Variants in TMC2 observed in about 807,000 individuals in gnomAD.
The protein encoded by TMC2 is transmembrane channel-like protein 2.
Under a neutral mutation model 105.9 loss-of-function variants are expected in TMC2, and 102 were observed. The ratio of observed to expected loss-of-function variants is 0.96; its 90% CI spans 0.82 to 1.14. The LOEUF (loss-of-function observed/expected upper bound fraction) is 1.14, where lower values mean the gene tolerates loss of function less well. Among genes scored for constraint, TMC2 ranks in the 50% most tolerant of loss-of-function variants. The pLI is 0.00. For missense variants in TMC2, 1,093 were observed against 1,134.3 expected (o/e 0.96, Z 0.52); for synonymous variants, 402 against 422.8 (o/e 0.95, Z 0.60).
At chr20:2,621,232 C>T (rs1455246877) in intron 16 of TMC2, among the ~76,000 whole-genome samples, 3 of 151,742 alleles carry the variant, frequency 2.0e-5, no homozygotes, top group African/African-American at 4.8e-5. Context: ...TGTGGTGGTG[C>T]GTGCCTGTAA....
At chr20:2,572,066 C>A (rs1358262977) in intron 4 of TMC2, 113 bp from the exon 5 acceptor site, 1 of 785,486 alleles carries the variant, frequency 1.3e-6, no homozygotes, top group Non-Finnish European at 2.1e-6. Flanking sequence ...TATATTTTAA[C>A]CAGGGGTATA....
chr20:2,572,352 C>G, intron 5 of TMC2, 83 bp downstream of exon 5: 1 of 1,083,850 alleles, frequency 9.2e-7, no homozygotes, highest in Non-Finnish European at 1.4e-6. Flanking sequence ...AACTGCCCAG[C>G]TTCGCCATTT....
rs760485764 is a variant in TMC2 at position 2,617,022 on chromosome 20, C to T, written c.1941-50C>T. The stretch of plus-strand genomic sequence containing the variant: ...CCATTTCCTTCTATCACCCTTCCCT[C>T]GCCTTCCCTGCTGTCCAGCCAACCA... On this transcript the variant is annotated intron_variant, in intron 15 of 19. Transcript: ENST00000358864. 9.9e-6 allele frequency: 16 copies of T among 1,610,504 alleles called. 1 individual carries two copies. Among genetic ancestry groups the T allele is most frequent in the African/African-American group, 5.3e-5 (4 of 74,876 alleles).
chr20:2,583,760 T>C (rs2086211942), intron 7 of TMC2, among the ~76,000 whole-genome samples: 1 of 152,078 alleles, frequency 6.6e-6, no homozygotes, highest in Non-Finnish European at 1.5e-5. Flanking sequence ...ATGCTCAGCC[T>C]CACATAAGCA....
Position 2,561,999 on chromosome 20 carries a change from G to A in TMC2, c.543G>A (p.Leu181=). 6.2e-7 allele frequency: 1 copy of A among 1,613,978 alleles called. No individual in the cohort carries two copies. The change falls in exon 4 of 20, where the codon CTG becomes CTA. Residue 181 remains leucine, a synonymous_variant. Transcript: ENST00000358864. ...AGCCCTGGCCCATGGCGAAGAAGCT[G>A]ACAGAGCTCAGGTGAGCAGGCTGCG... ...RSKPWPMAKK[L]TELREAQEFV...
chr20:2,585,715 G>C (rs532666331), intron 7 of TMC2, among the ~76,000 whole-genome samples: 1 of 152,160 alleles, frequency 6.6e-6, no homozygotes, highest in South Asian at 2.1e-4. Flanking sequence ...CCAAGGTTCA[G>C]GTACTCAGTG....
chr20:2,554,404 T>C (rs1208526707), intron 2 of TMC2, among the ~76,000 whole-genome samples: 2 of 152,230 alleles, frequency 1.3e-5, no homozygotes, highest in African/African-American at 4.8e-5. Flanking sequence ...CTCTATGATT[T>C]CATGCTTCTC....
chr20:2,607,569 A>C (rs916716969), intron 11 of TMC2, among the ~76,000 whole-genome samples: 1 of 152,148 alleles, frequency 6.6e-6, no homozygotes, highest in Non-Finnish European at 1.5e-5. Context: ...TTGTTCCACT[A>C]TGCTTTTCAT....
At chr20:2,567,501 G>C (rs978138008) in intron 4 of TMC2, among the ~76,000 whole-genome samples, 2 of 152,126 alleles carry the variant, frequency 1.3e-5, no homozygotes, top group Non-Finnish European at 2.9e-5. Context: ...TGATCAACAG[G>C]TTTTAACACC....
intron 7 of TMC2, among the ~76,000 whole-genome samples, chr20:2,589,726 G>A (rs2086255987): frequency 6.6e-6 from 1 of 152,156 alleles, no homozygotes; most frequent in African/African-American, 2.4e-5. Flanking sequence ...CTGGAGTGCA[G>A]TGGCTCAATC....
At chr20:2,597,097 G>C in intron 9 of TMC2, 54 bp from the exon 10 acceptor site, 1 of 1,580,368 alleles carries the variant, frequency 6.3e-7, no homozygotes. Flanking sequence ...GGTTCCCTGG[G>C]GGTGACACAG....
rs146842246 is a variant in TMC2 at position 2,583,319 on chromosome 20, C to T, written c.834+3263C>T. On this transcript the variant is annotated intron_variant, in intron 7 of 19. Transcript: ENST00000358864. ...TTGCTGGCAGAATTCTCTGTTGATT[C>T]CCTTCTTGGTTTGGGTGCTTTAATG... Among the ~76,000 whole-genome samples the T allele has an allele frequency of 9.3e-3, 1,413 of 152,242 alleles. 61 individuals carry two copies. The highest frequency in any genetic ancestry group is 0.066 in the Admixed American group (1,014 of 15,286).
intron 2 of TMC2, among the ~76,000 whole-genome samples, chr20:2,541,509 C>T (rs11087475): frequency 0.4 from 60,822 of 151,712 alleles, 12,383 homozygotes; most frequent in Admixed American, 0.45. Context: ...GGTGTGGTGG[C>T]ACACACCTGT....
chr20:2,560,576 G>A (rs111233939), intron 3 of TMC2, among the ~76,000 whole-genome samples: 5,336 of 152,210 alleles, frequency 0.035, 319 homozygotes, highest in African/African-American at 0.12. Flanking sequence ...GGTGGCTCAC[G>A]CCTGTAATCC....
intron 4 of TMC2, among the ~76,000 whole-genome samples, chr20:2,567,586 CAG>C (rs571240433): frequency 1.3e-5 from 2 of 152,036 alleles, no homozygotes; most frequent in South Asian, 4.1e-4. Flanking sequence ...TTTGTAGAGA[CAG>C]GGTCTCACTA....
chr20:2,536,715 G>C, intron 1 of TMC2, 60 bp downstream of exon 1: 1 of 1,534,046 alleles, frequency 6.5e-7, no homozygotes, highest in Non-Finnish European at 8.8e-7. Context: ...AGCAGCAGGG[G>C]ATGGGGGAAG....
At chr20:2,595,750 ACAG>A (rs755194118) in intron 9 of TMC2, among the ~76,000 whole-genome samples, 83,821 of 151,486 alleles carry the variant, frequency 0.55, 23,281 homozygotes, top group East Asian at 0.67. Flanking sequence ...ATGAGGGGTC[ACAG>A]CCTCCCAGAA....
chr20:2,611,874 G>A (rs5029365), intron 12 of TMC2, among the ~76,000 whole-genome samples: 4,933 of 110,640 alleles, frequency 0.045, 214 homozygotes, highest in African/African-American at 0.15. Flanking sequence ...GGATGGGTGG[G>A]TGGGTGGGTG....
At chr20:2,621,594 G>A (rs1285674705) in intron 16 of TMC2, among the ~76,000 whole-genome samples, 1 of 151,954 alleles carries the variant, frequency 6.6e-6, no homozygotes, top group Non-Finnish European at 1.5e-5. Flanking sequence ...ACTTGAACCC[G>A]GGAGGCAGAG....
Sources: gnomAD v4.1 joint callset for allele counts (sites outside exome capture counted in the v4.1 genomes callset) on GRCh38, gnomAD v4.1.1 for gene constraint, MANE v1.5 for transcripts, NCBI Gene and HGNC (gene_info 2026-07-23, HGNC 2026-07-21) for gene names.